Variants in SLC8A1 observed in about 807,000 individuals in gnomAD.
SLC8A1 encodes sodium/calcium exchanger 1.
In SLC8A1, 18 loss-of-function variants were observed where a neutral mutation model predicts 68.3. That is an observed-to-expected ratio of 0.26 (90% confidence interval 0.18 to 0.39). The LOEUF is 0.39. Ranked by LOEUF, SLC8A1 falls within the 10% of genes least tolerant of loss-of-function variation. The pLI, the probability that SLC8A1 is intolerant of heterozygous loss-of-function variation, is 1.00. For synonymous variants in SLC8A1, 475 were observed against 415.5 expected, an observed-to-expected ratio of 1.14 and a Z score of -1.74; for missense variants, 985 against 1,156.7, an observed-to-expected ratio of 0.85 and a Z score of 2.15.
chr2:40,434,505 C>T (rs1041313309), intron 1 of SLC8A1, among the ~76,000 whole-genome samples: 2 of 152,208 alleles, frequency 1.3e-5, no homozygotes, highest in African/African-American at 4.8e-5. Flanking sequence ...TCCCCATTTT[C>T]CCTCAAATAT....
At chr2:40,275,300 A>T (rs1418771868) in intron 2 of SLC8A1, among the ~76,000 whole-genome samples, 1 of 152,222 alleles carries the variant, frequency 6.6e-6, no homozygotes, top group African/African-American at 2.4e-5. Flanking sequence ...AATTTTTGTT[A>T]TTATCTGACC....
intron 2 of SLC8A1, among the ~76,000 whole-genome samples, chr2:40,385,642 T>A (rs1559477579): frequency 6.6e-6 from 1 of 151,244 alleles, no homozygotes; most frequent in Non-Finnish European, 1.5e-5. Flanking sequence ...CCAAGGAAAC[T>A]TTTGAACACT....
intron 1 of SLC8A1, among the ~76,000 whole-genome samples, chr2:40,458,199 A>C (rs988368614): frequency 6.6e-6 from 1 of 152,178 alleles, no homozygotes; most frequent in Admixed American, 6.5e-5. Flanking sequence ...ATCAAATTTC[A>C]CTATTAATAG....
At chr2:40,441,814 C>T (rs1559701018) in intron 1 of SLC8A1, among the ~76,000 whole-genome samples, 1 of 151,874 alleles carries the variant, frequency 6.6e-6, no homozygotes, top group Non-Finnish European at 1.5e-5. Flanking sequence ...CATAAAAACC[C>T]TAGAAGAAAA....
chr2:40,202,257 C>G (rs1483678183), intron 2 of SLC8A1, among the ~76,000 whole-genome samples: 1 of 151,966 alleles, frequency 6.6e-6, no homozygotes, highest in Non-Finnish European at 1.5e-5. Flanking sequence ...AAATGTCCTA[C>G]TTCCACATCC....
exon 8 of SLC8A1, chr2:40,100,443 C>T (rs1448911944): frequency 1.3e-5 from 2 of 152,200 alleles, no homozygotes; most frequent in South Asian, 2.1e-4. Flanking sequence ...GAGGTCAAGG[C>T]TCCTCATTGT....
intron 4 of SLC8A1, among the ~76,000 whole-genome samples, chr2:40,173,342 G>A (rs988340263): frequency 1.3e-5 from 2 of 152,154 alleles, no homozygotes; most frequent in Non-Finnish European, 2.9e-5. Flanking sequence ...ACCTTTAGTA[G>A]TGCACAGTTG....
chr2:40,430,212 CACAGTAACTA>C lies in SLC8A1; in HGVS notation c.59_68del (p.Leu20Ter). 6.2e-7 allele frequency: 1 copy of C among 1,613,646 alleles called. No individual in the cohort carries two copies. The highest frequency in any genetic ancestry group is 8.5e-7 in the Non-Finnish European group (1 of 1,179,810). On this transcript the variant is annotated frameshift_variant, in exon 2 of 8. Transcript: ENST00000406785. LOFTEE classifies it high-confidence loss of function. ...GGTCCACATGGGAAAATAAGAGACT[CACAGTAACTA>C]ACAGATGAAATCCCATTGAAAAGGT...
At chr2:40,319,564 G>A (rs2074931796) in intron 2 of SLC8A1, among the ~76,000 whole-genome samples, 1 of 152,060 alleles carries the variant, frequency 6.6e-6, no homozygotes, top group South Asian at 2.1e-4. Context: ...ATGATTAAGT[G>A]AATGAAAGAG....
At chr2:40,321,301 G>A (rs1199779037) in intron 2 of SLC8A1, among the ~76,000 whole-genome samples, 1 of 151,990 alleles carries the variant, frequency 6.6e-6, no homozygotes, top group Non-Finnish European at 1.5e-5. Flanking sequence ...GTTTGCACAA[G>A]TAAATTAAGA....
intron 2 of SLC8A1, among the ~76,000 whole-genome samples, chr2:40,181,062 C>G (rs1284741033): frequency 6.6e-6 from 1 of 152,104 alleles, no homozygotes; most frequent in Non-Finnish European, 1.5e-5. Flanking sequence ...CAGGTTCAAG[C>G]GATTCCCCTG....
chr2:40,184,141 A>T (rs1305959946), intron 2 of SLC8A1, among the ~76,000 whole-genome samples: 1 of 152,140 alleles, frequency 6.6e-6, no homozygotes, highest in African/African-American at 2.4e-5. Context: ...ATGCCACTGC[A>T]CTCCAGAACT....
At chr2:40,415,903 CACACACACAT>C (rs1337936683) in intron 2 of SLC8A1, among the ~76,000 whole-genome samples, 8 of 138,278 alleles carry the variant, frequency 5.8e-5, no homozygotes, top group African/African-American at 2.0e-4. Flanking sequence ...CACACACACA[CACACACACAT>C]TAGCTGGGCG....
At chr2:40,210,318 C>G (rs891208794) in intron 2 of SLC8A1, among the ~76,000 whole-genome samples, 1 of 152,108 alleles carries the variant, frequency 6.6e-6, no homozygotes, top group African/African-American at 2.4e-5. Context: ...GAAGAAGATA[C>G]CTGCTGGCTG....
intron 2 of SLC8A1, among the ~76,000 whole-genome samples, chr2:40,305,408 T>A (rs2072377399): frequency 6.6e-6 from 1 of 152,208 alleles, no homozygotes; most frequent in Non-Finnish European, 1.5e-5. Flanking sequence ...ATCTTCCCAG[T>A]TTTGACAATC....
chr2:40,466,022 G>C (rs1280411363), intron 1 of SLC8A1, among the ~76,000 whole-genome samples: 4 of 152,150 alleles, frequency 2.6e-5, no homozygotes, highest in Non-Finnish European at 5.9e-5. Flanking sequence ...GCCCTGACAA[G>C]ATGCCAGCAC....
chr2:40,133,616 T>C (rs1256482730), intron 7 of SLC8A1, among the ~76,000 whole-genome samples: 1 of 151,550 alleles, frequency 6.6e-6, no homozygotes, highest in African/African-American at 2.4e-5. Context: ...TAGCAGGAAC[T>C]AGTGGGAGAA....
At chr2:40,429,930 T>A in exon 2 of SLC8A1, 2 of 1,613,012 alleles carry the variant, frequency 1.2e-6, no homozygotes, top group South Asian at 2.2e-5. Context: ...CTCCATTGGG[T>A]TTCTTTATGG....
intron 2 of SLC8A1, among the ~76,000 whole-genome samples, chr2:40,310,495 C>G (rs766857399): frequency 6.6e-6 from 1 of 152,150 alleles, no homozygotes; most frequent in Non-Finnish European, 1.5e-5. Context: ...AGGTCAGTGG[C>G]CAGGGATGTA....
Sources: allele counts gnomAD v4.1 joint callset (sites outside exome capture counted in the v4.1 genomes callset), GRCh38; gene constraint gnomAD v4.1.1; transcripts MANE v1.5; gene names NCBI Gene and HGNC (gene_info 2026-07-23, HGNC 2026-07-21).